Variants in USPL1 observed in about 807,000 individuals in gnomAD.
The protein encoded by USPL1 is ubiquitin specific peptidase like 1, also known as SUMO-specific isopeptidase USPL1.
A neutral mutation model predicts 51.5 loss-of-function variants in USPL1; 27 were observed. That is an observed-to-expected ratio of 0.52 (90% CI 0.39 to 0.72). The LOEUF (loss-of-function observed/expected upper bound fraction) is 0.72, where lower values mean the gene tolerates loss of function less well. USPL1 is among the 30% of genes least tolerant of loss of function. The pLI is 0.00. For synonymous variants in USPL1, 451 were observed against 459.6 expected (o/e 0.98, Z 0.24); for missense variants, 1,226 against 1,268.0 (o/e 0.97, Z 0.50).
chr13:30,621,864 A>C lies in USPL1; in HGVS notation c.200A>C (p.Glu67Ala). ...AAGACTTACCGAATTAGTTTTCAAGAATCTATCTTTTTGTGTGAGGATCTG... is the reference window on the plus strand; with the variant it reads ...AAGACTTACCGAATTAGTTTTCAAGCATCTATCTTTTTGTGTGAGGATCTG... ...ALKTYRISFQ[E>A]SIFLCEDLQC... The change falls in exon 3 of 9, where the codon GAA (glutamate) becomes GCA (alanine). Residue 67 changes from glutamate (E) to alanine (A), a missense_variant. Physicochemically the swap from Glu to Ala is moderately radical, Grantham distance 107. Transcript: ENST00000255304. 6.4e-7 allele frequency: 1 copy of C among 1,568,892 alleles called. No homozygotes were observed. The highest frequency in any genetic ancestry group is 8.6e-7 in the Non-Finnish European group (1 of 1,159,614).
At chr13:30,638,226 G>A (rs112780494) in intron 5 of USPL1, among the ~76,000 whole-genome samples, 197 of 152,250 alleles carry the variant, frequency 1.3e-3, no homozygotes, top group African/African-American at 4.6e-3. Context: ...CAATGCTGGG[G>A]CATTTGAATT....
intron 4 of USPL1, among the ~76,000 whole-genome samples, chr13:30,636,343 A>G (rs912831258): frequency 2.0e-5 from 3 of 152,002 alleles, no homozygotes; most frequent in South Asian, 2.1e-4. Flanking sequence ...TTACTTTGCA[A>G]TGTAAGTTTT....
At chr13:30,641,099 A>G (rs1950941434) in intron 5 of USPL1, among the ~76,000 whole-genome samples, 1 of 152,240 alleles carries the variant, frequency 6.6e-6, no homozygotes, top group South Asian at 2.1e-4. Flanking sequence ...TTCCCAGTAG[A>G]CAGATCTAGC....
At chr13:30,648,360 T>C (rs1191392102) in intron 7 of USPL1, among the ~76,000 whole-genome samples, 3 of 152,192 alleles carry the variant, frequency 2.0e-5, no homozygotes, top group Non-Finnish European at 4.4e-5. Flanking sequence ...CCTGGAACTC[T>C]TTCCTGCCAC....
chr13:30,626,306 C>CT (rs1950715156), intron 3 of USPL1, among the ~76,000 whole-genome samples: 1 of 137,298 alleles, frequency 7.3e-6, no homozygotes, highest in African/African-American at 2.8e-5. Context: ...AGAGGAGACT[C>CT]TATCTCAAAA....
At position 30,637,753 on chromosome 13, in the gene USPL1, GT is replaced by G. The variant is rs1425476688; in HGVS notation, c.879del (p.Cys293Ter). ...SQLSGVKDGD[C>X]KKLTSEIFAE... The stretch of plus-strand genomic sequence containing the variant: ...CTCTGTATTTTCTTAGATGGAGATT[GT>G]AAAAAACTTACCTCAGAAATATTTG... On this transcript the variant is annotated frameshift_variant, in exon 5 of 9. Coordinates refer to ENST00000255304, the MANE Select transcript of USPL1 (RefSeq NM_005800.5). LOFTEE classifies it high-confidence loss of function. 2 of 1,610,056 alleles carry G rather than the reference GT, an allele frequency of 1.2e-6. No individual in the cohort carries two copies. Among genetic ancestry groups the G allele is most frequent in the Non-Finnish European group, 1.7e-6 (2 of 1,178,426 alleles).
At chr13:30,627,306 G>A (rs1950730013) in intron 3 of USPL1, among the ~76,000 whole-genome samples, 1 of 151,820 alleles carries the variant, frequency 6.6e-6, no homozygotes, top group Non-Finnish European at 1.5e-5. Context: ...TGTGGAAAGA[G>A]GCAACAAAAT....
intron 6 of USPL1, among the ~76,000 whole-genome samples, chr13:30,645,876 A>G (rs1951011578): frequency 6.6e-6 from 1 of 152,228 alleles, no homozygotes; most frequent in Non-Finnish European, 1.5e-5. Context: ...GTCCAGTGCC[A>G]TGCCCTTTGC....
rs146991532 is a variant in USPL1, at chr13:30,628,192, G to A, written c.229-2643G>A. 8.1e-3 allele frequency among the ~76,000 whole-genome samples: 1,233 copies of A among 151,802 alleles called. 9 individuals are homozygous for A. The highest frequency in any genetic ancestry group is 0.012 in the Non-Finnish European group (828 of 67,930). On this transcript the variant is annotated intron_variant, in intron 3 of 8. Coordinates refer to ENST00000255304, the MANE Select transcript of USPL1 (RefSeq NM_005800.5). ...ATTACAGGCTTGAGCCACTGTACCC[G>A]GCCTCTAGTTTATGTTTCTATGAAT... is the stretch of plus-strand genomic sequence containing the variant.
At chr13:30,636,773 G>A (rs904064055) in intron 4 of USPL1, among the ~76,000 whole-genome samples, 3 of 152,156 alleles carry the variant, frequency 2.0e-5, no homozygotes, top group South Asian at 2.1e-4. Context: ...AGTGGCATGC[G>A]CCTGTAAGCC....
intron 3 of USPL1, among the ~76,000 whole-genome samples, chr13:30,624,491 G>A (rs887694698): frequency 1.1e-4 from 16 of 152,234 alleles, no homozygotes; most frequent in African/African-American, 1.9e-4. Flanking sequence ...GGTGGTGTGA[G>A]TCTGTAGCCC....
Position 30,657,755 on chromosome 13 carries a change from C to T in USPL1, c.1678C>T (p.Leu560Phe). ...PKDISVAPRT[L>F]SQDTAVTHGD... ...AGATATATCAGTTGCCCCTCGTACT[C>T]TTTCACAGGACACAGCTGTAACTCA... is the stretch of plus-strand genomic sequence containing the variant. The change falls in exon 9 of 9, where the codon CTT (leucine) becomes TTT (phenylalanine). Residue 560 changes from leucine to phenylalanine, a missense_variant. Transcript: ENST00000255304. The T allele has an allele frequency of 6.2e-7, 1 of 1,614,176 alleles. No individual in the cohort carries two copies. The highest frequency in any genetic ancestry group is 1.1e-5 in the South Asian group (1 of 91,084).
At position 30,631,401 on chromosome 13, in the gene USPL1, A is replaced by G; in HGVS notation, c.795A>G (p.Ile265Met). 1.9e-6 allele frequency: 3 copies of G among 1,614,250 alleles called. No individual in the cohort carries two copies. The highest frequency in any genetic ancestry group is 2.2e-5 in the South Asian group (2 of 91,086). ...GACTGTGCTCGAAGGAGGAATCTAT[A>G]TTCTGGCGGTTGCTTACAAAATATA... is the stretch of plus-strand genomic sequence containing the variant. Reference protein sequence around the residue: ...VTGLCSKEESIFWRLLTKYNQ... With the variant: ...VTGLCSKEESMFWRLLTKYNQ... The change falls in exon 4 of 9, where the codon ATA becomes ATG. Residue 265 changes from isoleucine to methionine, a missense_variant. Ile to Met is a conservative substitution (Grantham distance 10, BLOSUM62 1). Coordinates refer to ENST00000255304, the MANE Select transcript of USPL1 (RefSeq NM_005800.5).
At position 30,653,312 on chromosome 13, in the gene USPL1, GTTTAGAGGTTTTCT is replaced by G; in HGVS notation, c.1396+12_1396+25del. The stretch of plus-strand genomic sequence containing the variant: ...TGGATTTTAGATGCTGATGGTAAGT[GTTTAGAGGTTTTCT>G]TTTAAGATAATTGGCATAGAAACTA... On this transcript the variant is annotated splice_region_variant and intron_variant, in intron 8 of 8. Transcript: ENST00000255304. 1 of 1,560,124 alleles carries G rather than the reference GTTTAGAGGTTTTCT, an allele frequency of 6.4e-7. No homozygotes were observed.
At chr13:30,651,041 T>C (rs1211092685) in intron 7 of USPL1, among the ~76,000 whole-genome samples, 1 of 151,854 alleles carries the variant, frequency 6.6e-6, no homozygotes, top group East Asian at 1.9e-4. Flanking sequence ...CAGAAAGTAG[T>C]ATGGAGGCCA....
Position 30,659,099 on chromosome 13 carries a change from C to T in USPL1, c.3022C>T (p.Pro1008Ser), listed in dbSNP as rs1307617006. The T allele has an allele frequency of 1.2e-6, 2 of 1,613,966 alleles. No individual in the cohort carries two copies. The highest frequency in any genetic ancestry group is 3.3e-5 in the Admixed American group (2 of 59,998). The change falls in exon 9 of 9, where the codon CCA becomes TCA. Residue 1008 changes from proline to serine, a missense_variant. Physicochemically the swap from Pro to Ser is moderately conservative, Grantham distance 74. Transcript: ENST00000255304. ...AGATAGTCATATCCCACCACCAGTA[C>T]CAAGTGAATTCAATGATGTTTCCCA... ...MGDSHIPPPV[P>S]SEFNDVSQNT... is the part of the protein sequence containing the mutation.
chr13:30,621,849 G>T lies in USPL1; in HGVS notation c.185G>T (p.Arg62Leu), dbSNP rs568128655. 5.1e-6 allele frequency: 8 copies of T among 1,581,012 alleles called. No homozygotes were observed. The highest frequency in any genetic ancestry group is 6.9e-6 in the Non-Finnish European group (8 of 1,165,156). ...KGKLKALKTY[R>L]ISFQESIFLC... ...AAGTTAAAAGCCTTAAAGACTTACC[G>T]AATTAGTTTTCAAGAATCTATCTTT... is the stretch of plus-strand genomic sequence containing the variant. Residue 62 changes from arginine (R) to leucine (L), a missense_variant, in exon 3 of 9, where the codon CGA becomes CTA. Coordinates refer to ENST00000255304, the MANE Select transcript of USPL1 (RefSeq NM_005800.5).
chr13:30,647,908 C>G (rs1951039219), intron 7 of USPL1, among the ~76,000 whole-genome samples: 1 of 152,142 alleles, frequency 6.6e-6, no homozygotes, highest in Non-Finnish European at 1.5e-5. Flanking sequence ...GTCCCCTGTT[C>G]CCTCCTCCAG....
chr13:30,637,866 T>C lies in USPL1; in HGVS notation c.982+9T>C, dbSNP rs1348727327. Reference sequence around the variant, plus strand: ...GCTTAGATGCACATTAGGTAAGTAATTGGTAAAACTTACTTGTATTATACT... The same window carrying C: ...GCTTAGATGCACATTAGGTAAGTAACTGGTAAAACTTACTTGTATTATACT... On this transcript the variant is annotated intron_variant, in intron 5 of 8. Coordinates refer to ENST00000255304, the MANE Select transcript of USPL1 (RefSeq NM_005800.5). 1.3e-6 allele frequency: 2 copies of C among 1,584,250 alleles called. No individual in the cohort carries two copies. Among genetic ancestry groups the C allele is most frequent in the Non-Finnish European group, 1.7e-6 (2 of 1,153,756 alleles).
Sources: gnomAD v4.1 joint callset for allele counts (sites outside exome capture counted in the v4.1 genomes callset) on GRCh38, gnomAD v4.1.1 for gene constraint, MANE v1.5 for transcripts, NCBI Gene and HGNC (gene_info 2026-07-23, HGNC 2026-07-21) for gene names.